The following INPP5B variants were observed in gnomAD, a reference collection of about 807,000 sequenced individuals.
INPP5B encodes the protein type II inositol 1,4,5-trisphosphate 5-phosphatase.
In INPP5B, 90 loss-of-function variants were observed where a neutral mutation model predicts 118.5. That is an observed-to-expected ratio of 0.76 (90% CI 0.64 to 0.90). The LOEUF is 0.90. Ranked by LOEUF, INPP5B falls within the 40% of genes least tolerant of loss-of-function variation. INPP5B has a pLI of 0.00. For synonymous variants in INPP5B, 385 were observed against 418.9 expected (o/e 0.92, Z 0.99); for missense variants, 984 against 1,125.6 (o/e 0.87, Z 1.80).
At chr1:37,866,018 A>T (rs1642007762) in intron 21 of INPP5B, 130 bp from the exon 22 acceptor site, 1 of 1,434,980 alleles carries the variant, frequency 7.0e-7, no homozygotes, top group Non-Finnish European at 9.3e-7. Context: ...ATGCCAGCCT[A>T]ACTTCTCGAA....
In INPP5B at chr1:37,907,567, C is replaced by G. The variant is rs1458924411; in HGVS notation, c.533-16113G>C. 6.6e-6 allele frequency among the ~76,000 whole-genome samples: 1 copy of G among 152,170 alleles called. No individual in the cohort carries two copies. The highest frequency in any genetic ancestry group is 1.9e-4 in the East Asian group (1 of 5,202). ...AGACCTGCTGGGCTGCATTCCCAGA[C>G]AGTTAGGCATTCTAAGTCACTGGAT... On this transcript the variant is annotated intron_variant, in intron 7 of 23. Coordinates refer to ENST00000373024, the MANE Select transcript of INPP5B (RefSeq NM_005540.3). This position sits in a 1 kb window ranked among gnomAD's most constrained non-coding sequence, Gnocchi z 4.3.
intron 7 of INPP5B, among the ~76,000 whole-genome samples, chr1:37,910,878 A>G (rs936049286): frequency 6.6e-6 from 1 of 151,986 alleles, no homozygotes; most frequent in African/African-American, 2.4e-5. Flanking sequence ...TCCACAACCC[A>G]TTATTCTGTT....
At chr1:37,886,100 G>A (rs1025232533) in intron 12 of INPP5B, among the ~76,000 whole-genome samples, 21 of 151,860 alleles carry the variant, frequency 1.4e-4, no homozygotes, top group Non-Finnish European at 1.8e-4. Flanking sequence ...CTGGTTGAAC[G>A]CGGGAGGGAG....
intron 7 of INPP5B, among the ~76,000 whole-genome samples, chr1:37,909,378 C>T (rs1644608508): frequency 6.6e-6 from 1 of 152,104 alleles, no homozygotes; most frequent in Admixed American, 6.6e-5. Flanking sequence ...TGCTCCCCCA[C>T]CCTATAACCC....
chr1:37,900,630 C>CTT (rs58101149), intron 7 of INPP5B, among the ~76,000 whole-genome samples: 3 of 132,446 alleles, frequency 2.3e-5, no homozygotes, highest in Non-Finnish European at 5.0e-5. Context: ...TTTTTTTTTT[C>CTT]TTTTTTTTTT....
At chr1:37,874,197 C>T (rs1642646976) in intron 17 of INPP5B, 42 bp from the exon 18 acceptor site, 1 of 1,457,940 alleles carries the variant, frequency 6.9e-7, no homozygotes, top group African/African-American at 1.4e-5. Context: ...GTGCCCTTTC[C>T]TCAGCAACCT....
intron 7 of INPP5B, among the ~76,000 whole-genome samples, chr1:37,901,001 G>T (rs545383115): frequency 6.6e-6 from 1 of 151,930 alleles, no homozygotes; most frequent in Non-Finnish European, 1.5e-5. Context: ...TCGTAGAGAT[G>T]GGATTTCACA....
intron 7 of INPP5B, among the ~76,000 whole-genome samples, chr1:37,891,660 A>C (rs1485770881): frequency 6.6e-6 from 1 of 151,504 alleles, no homozygotes; most frequent in Non-Finnish European, 1.5e-5. Flanking sequence ...TGTAATCCCA[A>C]TTACTCGGGA....
intron 7 of INPP5B, among the ~76,000 whole-genome samples, chr1:37,899,486 T>C (rs1570188920): frequency 6.7e-6 from 1 of 149,488 alleles, no homozygotes; most frequent in South Asian, 2.1e-4. Context: ...CGCTTGAACC[T>C]GGGAGGCAGA....
At chr1:37,913,518 A>G (rs182351949) in intron 7 of INPP5B, among the ~76,000 whole-genome samples, 8 of 151,954 alleles carry the variant, frequency 5.3e-5, no homozygotes, top group Non-Finnish European at 1.0e-4. Context: ...TAGTTTCCCA[A>G]TTCTTACAAA....
intron 5 of INPP5B, among the ~76,000 whole-genome samples, chr1:37,941,907 C>T (rs2148694505): frequency 1.1e-5 from 1 of 88,738 alleles, no homozygotes; most frequent in African/African-American, 4.2e-5. Flanking sequence ...CACTGCACTC[C>T]AGCCTGGGCG....
intron 6 of INPP5B, among the ~76,000 whole-genome samples, chr1:37,933,840 C>T (rs1048133264): frequency 1.1e-4 from 17 of 151,012 alleles, no homozygotes; most frequent in African/African-American, 3.4e-4. Flanking sequence ...CTCTGAACTC[C>T]GAGGGCTTTG....
intron 19 of INPP5B, among the ~76,000 whole-genome samples, chr1:37,871,155 C>CAAAA (rs34490677): frequency 4.1e-5 from 2 of 48,900 alleles, no homozygotes; most frequent in African/African-American, 8.5e-5. Flanking sequence ...AAGACTGTCT[C>CAAAA]AAAAAAAAAA....
At chr1:37,900,202 C>T (rs1644279138) in intron 7 of INPP5B, among the ~76,000 whole-genome samples, 1 of 151,320 alleles carries the variant, frequency 6.6e-6, no homozygotes, top group African/African-American at 2.4e-5. Context: ...GTGCTTCAGC[C>T]TCCTGCGTAG....
chr1:37,895,370 T>C (rs1389552473), intron 7 of INPP5B, among the ~76,000 whole-genome samples: 2 of 152,236 alleles, frequency 1.3e-5, no homozygotes, highest in Non-Finnish European at 2.9e-5. Context: ...GGCTTGTGCC[T>C]ATAGTCCCAG....
rs1645071576 is a variant in INPP5B, at chr1:37,921,938, AG to A, written c.532+9974del. On this transcript the variant is annotated intron_variant, in intron 7 of 23. Coordinates refer to ENST00000373024, the MANE Select transcript of INPP5B (RefSeq NM_005540.3). ...TCCCAGCTACTCAGGAGGTTGAGGC[AG>A]GAGAACTGCTTGAACCCAGGAGGTG... is the stretch of plus-strand genomic sequence containing the variant. Among the ~76,000 whole-genome samples, 10 of 152,330 alleles carry A rather than the reference AG, an allele frequency of 6.6e-5. No individual in the cohort carries two copies. The South Asian group carries it at 2.1e-3, about 32-fold the overall frequency.
intron 19 of INPP5B, among the ~76,000 whole-genome samples, chr1:37,872,135 G>C (rs1486163490): frequency 6.7e-6 from 1 of 150,006 alleles, no homozygotes; most frequent in Non-Finnish European, 1.5e-5. Context: ...GGGAGGCCGA[G>C]ATGGGCGGAT....
intron 3 of INPP5B, 76 bp downstream of exon 3, chr1:37,945,680 G>A: frequency 9.8e-7 from 1 of 1,015,910 alleles, no homozygotes; most frequent in Non-Finnish European, 1.5e-6. Flanking sequence ...TGGAGGGACA[G>A]TTGAAGTTCA....
Position 37,888,337 on chromosome 1 carries a change from CA to C in INPP5B, c.804del (p.Phe268LeufsTer7). On this transcript the variant is annotated frameshift_variant, in exon 10 of 24. Coordinates refer to ENST00000373024, the MANE Select transcript of INPP5B (RefSeq NM_005540.3). LOFTEE classifies it high-confidence loss of function. ...DYTYIQNFRF[F>X]AGTYNVNGQS... ...TGCCCATTTACATTGTATGTTCCCG[CA>C]AAAAACCTGTCACCAAAGAGAAATA... is the stretch of plus-strand genomic sequence containing the variant. The C allele has an allele frequency of 3.3e-6, 5 of 1,528,356 alleles. No homozygotes were observed. The highest frequency in any genetic ancestry group is 1.3e-5 in the South Asian group (1 of 78,842). 94.7% of individuals were successfully genotyped at this position (1,528,356 alleles called of 1,614,324 possible).
Sources: allele counts gnomAD v4.1 joint callset (sites outside exome capture counted in the v4.1 genomes callset), GRCh38; gene constraint gnomAD v4.1.1; non-coding constraint Gnocchi (gnomAD v3.1); transcripts MANE v1.5; gene names NCBI Gene and HGNC (gene_info 2026-07-23, HGNC 2026-07-21).